Variants in CNTNAP2 observed in about 807,000 individuals in gnomAD.
The protein encoded by CNTNAP2 is contactin-associated protein-like 2.
Under a neutral mutation model 155.2 loss-of-function variants are expected in CNTNAP2, and 98 were observed. That is an observed-to-expected ratio of 0.63 (90% CI 0.54 to 0.75). CNTNAP2 has a LOEUF of 0.75. Ranked by LOEUF, CNTNAP2 falls within the 30% of genes least tolerant of loss-of-function variation. CNTNAP2 has a pLI of 0.00. For missense variants in CNTNAP2, 1,727 were observed against 1,688.1 expected (o/e 1.02, Z -0.40); for synonymous variants, 651 against 631.2 (o/e 1.03, Z -0.47).
chr7:148,019,942 G>T (rs553971369), intron 15 of CNTNAP2, among the ~76,000 whole-genome samples: 3 of 152,012 alleles, frequency 2.0e-5, no homozygotes, highest in Non-Finnish European at 4.4e-5. Context: ...CTGCCACCAC[G>T]CCCAGCTAAT....
intron 12 of CNTNAP2, among the ~76,000 whole-genome samples, chr7:147,594,943 G>A (rs889323389): frequency 3.3e-5 from 5 of 151,918 alleles, no homozygotes; most frequent in Admixed American, 2.6e-4. Flanking sequence ...AGAGGAGATA[G>A]GAAGAGAAAG....
At chr7:148,302,813 C>CTTTTTTTT (rs59354674) in intron 21 of CNTNAP2, among the ~76,000 whole-genome samples, 92 of 86,900 alleles carry the variant, frequency 1.1e-3, no homozygotes, top group Non-Finnish European at 1.2e-3. Flanking sequence ...CTCGATTATT[C>CTTTTTTTT]TTTTTTTTTT....
chr7:146,539,404 C>A (rs1304181227), intron 1 of CNTNAP2, among the ~76,000 whole-genome samples: 4 of 151,816 alleles, frequency 2.6e-5, no homozygotes, highest in Non-Finnish European at 4.4e-5. Flanking sequence ...AAAAACCAAC[C>A]CATCCAAGCA....
chr7:147,203,918 G>C (rs922423664), intron 8 of CNTNAP2, among the ~76,000 whole-genome samples: 1 of 152,018 alleles, frequency 6.6e-6, no homozygotes. Context: ...GATAATTAAC[G>C]TAGTAGGGAG....
At chr7:147,076,769 C>G (rs760314650) in intron 4 of CNTNAP2, among the ~76,000 whole-genome samples, 115 of 152,212 alleles carry the variant, frequency 7.6e-4, no homozygotes, top group Non-Finnish European at 1.4e-3. Flanking sequence ...AATGTTTAAG[C>G]TGTTTATATT....
intron 18 of CNTNAP2, among the ~76,000 whole-genome samples, chr7:148,209,289 C>A (rs114716578): frequency 7.7e-6 from 1 of 129,744 alleles, no homozygotes; most frequent in African/African-American, 2.8e-5. Flanking sequence ...CTATTTTTTT[C>A]TTTTCTTCCT....
At chr7:146,653,523 C>T (rs927089409) in intron 1 of CNTNAP2, among the ~76,000 whole-genome samples, 1 of 152,080 alleles carries the variant, frequency 6.6e-6, no homozygotes, top group Admixed American at 6.6e-5. Flanking sequence ...ATGTAAACTA[C>T]TCTTTGAAAA....
At chr7:148,024,204 C>T (rs967187293) in intron 15 of CNTNAP2, among the ~76,000 whole-genome samples, 20 of 142,720 alleles carry the variant, frequency 1.4e-4, no homozygotes, top group Non-Finnish European at 2.9e-4. Context: ...GAGAATTAAT[C>T]CTTGGAGAGC....
At chr7:147,107,946 C>T (rs1039344911) in intron 4 of CNTNAP2, among the ~76,000 whole-genome samples, 6 of 151,976 alleles carry the variant, frequency 3.9e-5, no homozygotes, top group Non-Finnish European at 5.9e-5. Context: ...CTTTTATGAG[C>T]ATTTTTATCA....
At chr7:147,437,934 G>T (rs1323143744) in intron 10 of CNTNAP2, among the ~76,000 whole-genome samples, 1 of 151,972 alleles carries the variant, frequency 6.6e-6, no homozygotes, top group Non-Finnish European at 1.5e-5. Context: ...TTGGCATATA[G>T]AAATGGTACT....
chr7:147,630,292 CA>C (rs1016249322), intron 12 of CNTNAP2, among the ~76,000 whole-genome samples: 1 of 39,534 alleles, frequency 2.5e-5, no homozygotes, highest in African/African-American at 7.2e-5. Flanking sequence ...TGACCAATGA[CA>C]AATAGCAAAA....
At chr7:147,005,526 A>G (rs1392134616) in intron 3 of CNTNAP2, among the ~76,000 whole-genome samples, 1 of 152,072 alleles carries the variant, frequency 6.6e-6, no homozygotes. Context: ...TACCCAGAAA[A>G]ATGAGTAAGT....
rs1563046269 is a variant in CNTNAP2 at position 148,331,799 on chromosome 7, A to AGAGTGGATGGATGGAACGGACGGATG, written c.3476-51848_3476-51847insGTGGATGGATGGAACGGACGGATGGA. On this transcript the variant is annotated intron_variant, in intron 21 of 23. Coordinates refer to ENST00000361727, the MANE Select transcript of CNTNAP2 (RefSeq NM_014141.6). ...GAATGGACAGATGGAGTGGATGGATAGAATGGCCTCCTCTTTGTCTAAAAC... is the reference window on the plus strand; with the variant it reads ...GAATGGACAGATGGAGTGGATGGATAGAGTGGATGGATGGAACGGACGGATGGAATGGCCTCCTCTTTGTCTAAAAC... 3.6e-4 allele frequency among the ~76,000 whole-genome samples: 15 copies of AGAGTGGATGGATGGAACGGACGGATG among 41,254 alleles called. 1 individual carries two copies. The highest frequency in any genetic ancestry group is 1.3e-3 in the South Asian group (2 of 1,586). 27.1% of individuals were successfully genotyped at this position (41,254 alleles called of 152,430 possible).
At chr7:147,657,634 G>T (rs1019706329) in intron 13 of CNTNAP2, among the ~76,000 whole-genome samples, 5 of 152,182 alleles carry the variant, frequency 3.3e-5, no homozygotes, top group Admixed American at 2.6e-4. Context: ...ATAGAAAAAA[G>T]AATGAATAAT....
chr7:147,346,156 T>TA (rs1795856075), intron 9 of CNTNAP2, among the ~76,000 whole-genome samples: 2 of 149,418 alleles, frequency 1.3e-5, no homozygotes, highest in African/African-American at 2.5e-5. Flanking sequence ...TTATTTTATT[T>TA]TTTTTTTTTG....
At chr7:147,156,834 G>A (rs538240679) in intron 8 of CNTNAP2, among the ~76,000 whole-genome samples, 2 of 152,212 alleles carry the variant, frequency 1.3e-5, no homozygotes, top group South Asian at 2.1e-4. Context: ...CATCTTCCTA[G>A]AGGAGATTGT....
At chr7:146,312,454 A>T (rs964478949) in intron 1 of CNTNAP2, among the ~76,000 whole-genome samples, 1 of 152,176 alleles carries the variant, frequency 6.6e-6, no homozygotes, top group Non-Finnish European at 1.5e-5. Context: ...GACAATATTT[A>T]TGTATATCTG....
chr7:146,701,988 G>C (rs748182873), intron 1 of CNTNAP2, among the ~76,000 whole-genome samples: 1 of 152,148 alleles, frequency 6.6e-6, no homozygotes, highest in Non-Finnish European at 1.5e-5. Flanking sequence ...GGTGTGCTTC[G>C]CTGGAGAGTG....
In CNTNAP2 at chr7:147,903,687, T is replaced by C. The variant is rs762079391; in HGVS notation, c.2221T>C (p.Tyr741His). The C allele has an allele frequency of 3.7e-6, 6 of 1,613,874 alleles. No homozygotes were observed. Among genetic ancestry groups the C allele is most frequent in the Non-Finnish European group, 4.2e-6 (5 of 1,179,960 alleles). ...GIERNCTDPKYYCNCDADYKQ... is the reference protein window; with the variant it reads ...GIERNCTDPKHYCNCDADYKQ... ...CGAACGCAACTGCACAGATCCCAAG[T>C]ACTACTGTAACTGCGACGCGGACTA... is the stretch of plus-strand genomic sequence containing the variant. Residue 741 changes from tyrosine to histidine, a missense_variant, in exon 14 of 24, where the codon TAC (tyrosine) becomes CAC (histidine). Transcript: ENST00000361727.
Sources: allele counts gnomAD v4.1 joint callset (sites outside exome capture counted in the v4.1 genomes callset), GRCh38; gene constraint gnomAD v4.1.1; transcripts MANE v1.5; gene names NCBI Gene and HGNC (gene_info 2026-07-23, HGNC 2026-07-21).